Variants in TRPM3 observed in about 807,000 individuals in gnomAD.
TRPM3 encodes transient receptor potential cation channel subfamily M member 3, also known as long transient receptor potential channel 3.
Under a neutral mutation model 181.2 loss-of-function variants are expected in TRPM3, and 77 were observed. The ratio of observed to expected loss-of-function variants is 0.42; its 90% confidence interval spans 0.35 to 0.51. The LOEUF (loss-of-function observed/expected upper bound fraction) is 0.51, where lower values mean the gene tolerates loss of function less well. TRPM3 is among the 20% of genes least tolerant of loss of function. The pLI is 0.01. For missense variants in TRPM3, 1,759 were observed against 2,196.7 expected, an observed-to-expected ratio of 0.80 and a Z score of 3.98; for synonymous variants, 745 against 796.4, an observed-to-expected ratio of 0.94 and a Z score of 1.09.
intron 1 of TRPM3, among the ~76,000 whole-genome samples, chr9:71,031,093 T>C (rs866206274): frequency 1.3e-5 from 2 of 152,196 alleles, no homozygotes; most frequent in African/African-American, 4.8e-5. Context: ...AGTCACATGG[T>C]CTCACTAAAT....
chr9:71,298,159 T>C (rs1410220545), intron 1 of TRPM3, among the ~76,000 whole-genome samples: 2 of 152,116 alleles, frequency 1.3e-5, no homozygotes, highest in African/African-American at 4.8e-5. Flanking sequence ...CTGCAGGATA[T>C]CTTAAGTCTT....
intron 1 of TRPM3, among the ~76,000 whole-genome samples, chr9:71,081,135 G>T (rs946501666): frequency 6.6e-6 from 1 of 152,118 alleles, no homozygotes; most frequent in Non-Finnish European, 1.5e-5. Context: ...ACGCTAAATT[G>T]ACATTTATCA....
At chr9:70,948,368 G>A (rs539887378) in intron 1 of TRPM3, among the ~76,000 whole-genome samples, 55 of 152,222 alleles carry the variant, frequency 3.6e-4, no homozygotes, top group Non-Finnish European at 6.8e-4. Flanking sequence ...TGCTGAAAAC[G>A]AAATATACTT....
At chr9:71,210,751 C>T (rs918242251) in intron 1 of TRPM3, among the ~76,000 whole-genome samples, 2 of 152,138 alleles carry the variant, frequency 1.3e-5, no homozygotes, top group African/African-American at 2.4e-5. Context: ...TTGGATGGCT[C>T]ACACAACAGA....
At chr9:71,310,896 A>G (rs995586815) in intron 1 of TRPM3, among the ~76,000 whole-genome samples, 10 of 152,126 alleles carry the variant, frequency 6.6e-5, no homozygotes, top group Non-Finnish European at 1.0e-4. Context: ...ATGGAGAGAA[A>G]GATGACAGTT....
intron 25 of TRPM3, among the ~76,000 whole-genome samples, chr9:70,546,451 C>T (rs2044908868): frequency 6.6e-6 from 1 of 152,088 alleles, no homozygotes; most frequent in Non-Finnish European, 1.5e-5. Context: ...TCTGGTCATC[C>T]CTGCTGGGAT....
intron 9 of TRPM3, among the ~76,000 whole-genome samples, chr9:70,658,619 A>C (rs2060692401): frequency 6.6e-6 from 1 of 152,112 alleles, no homozygotes; most frequent in Non-Finnish European, 1.5e-5. Flanking sequence ...CAGAGGTAAC[A>C]AATTTCCTTG....
intron 1 of TRPM3, among the ~76,000 whole-genome samples, chr9:71,349,559 T>C (rs2091481748): frequency 2.6e-5 from 4 of 152,226 alleles, no homozygotes; most frequent in African/African-American, 9.6e-5. Context: ...CAAGATATTT[T>C]ATAATATTTT....
intron 1 of TRPM3, among the ~76,000 whole-genome samples, chr9:70,928,512 T>C (rs1428843447): frequency 6.6e-6 from 1 of 152,184 alleles, no homozygotes; most frequent in Non-Finnish European, 1.5e-5. Flanking sequence ...CTTGACAATT[T>C]AATCTAAACA....
chr9:70,973,907 C>A (rs1334551966), intron 1 of TRPM3, among the ~76,000 whole-genome samples: 1 of 152,186 alleles, frequency 6.6e-6, no homozygotes, highest in Admixed American at 6.5e-5. Flanking sequence ...AGAGGGTATT[C>A]TAAAGCAATG....
intron 1 of TRPM3, among the ~76,000 whole-genome samples, chr9:70,886,798 G>A (rs1031113435): frequency 3.9e-5 from 6 of 151,976 alleles, no homozygotes; most frequent in African/African-American, 1.5e-4. Flanking sequence ...CTGTGTAGCT[G>A]GGATTATAGG....
intron 9 of TRPM3, among the ~76,000 whole-genome samples, chr9:70,652,285 G>C (rs951716791): frequency 1.3e-5 from 2 of 152,012 alleles, no homozygotes; most frequent in Non-Finnish European, 2.9e-5. Flanking sequence ...TAATTTGATT[G>C]AATTTGAAGT....
intron 1 of TRPM3, among the ~76,000 whole-genome samples, chr9:70,971,989 G>A (rs1050587059): frequency 1.3e-5 from 2 of 152,142 alleles, no homozygotes; most frequent in Non-Finnish European, 2.9e-5. Flanking sequence ...CACTGTTAGT[G>A]GGAATACATA....
Position 71,260,678 on chromosome 9 carries a change from G to A in TRPM3, c.183+185975C>T, listed in dbSNP as rs182478748. Among the ~76,000 whole-genome samples, 761 of 152,218 alleles carry A rather than the reference G, an allele frequency of 5.0e-3. 8 individuals carry two copies. Among genetic ancestry groups the A allele is most frequent in the Non-Finnish European group, 5.5e-3 (375 of 68,008 alleles). On this transcript the variant is annotated intron_variant, in intron 1 of 24. Transcript: ENST00000357533. ...GAGTTTGCTCATTATTTGGCTCTCC[G>A]TTTGTCTATTATTGGTGTATAGGAA...
intron 1 of TRPM3, among the ~76,000 whole-genome samples, chr9:71,417,427 G>A (rs1289076632): frequency 1.3e-5 from 2 of 151,846 alleles, no homozygotes; most frequent in Non-Finnish European, 2.9e-5. Context: ...TTATTGACTA[G>A]CTACATATCC....
At chr9:70,744,111 C>T (rs371416177) in intron 8 of TRPM3, among the ~76,000 whole-genome samples, 7 of 151,696 alleles carry the variant, frequency 4.6e-5, no homozygotes, top group African/African-American at 7.3e-5. Context: ...GTGAATCACC[C>T]GAGGTCAGGA....
In TRPM3 at chr9:70,913,398, T is replaced by A. The variant is rs531721403; in HGVS notation, c.178-48887A>T. On this transcript the variant is annotated intron_variant, in intron 1 of 25. Coordinates refer to ENST00000677713, the MANE Select transcript of TRPM3 (RefSeq NM_001366145.2). ...CTCTTTTTCATTGCATTGGCCAGGA[T>A]CATTGTTCCCCTAGGTTTCATACTT... Among the ~76,000 whole-genome samples the A allele has an allele frequency of 2.6e-5, 4 of 152,294 alleles. No homozygotes were observed. In the South Asian group the frequency reaches 6.2e-4, roughly 24 times the overall value.
chr9:71,428,445 T>C (rs1449971241), intron 1 of TRPM3, among the ~76,000 whole-genome samples: 1 of 152,078 alleles, frequency 6.6e-6, no homozygotes, highest in Non-Finnish European at 1.5e-5. Flanking sequence ...GCCATCAAGT[T>C]TGGGAACCCT....
At chr9:70,936,404 T>C (rs115263022) in intron 1 of TRPM3, among the ~76,000 whole-genome samples, 1,614 of 152,294 alleles carry the variant, frequency 0.011, 31 homozygotes, top group African/African-American at 0.037. Flanking sequence ...TAGCTAATGA[T>C]AGAGTTCCAT....
Sources: gnomAD v4.1 joint callset for allele counts (sites outside exome capture counted in the v4.1 genomes callset) on GRCh38, gnomAD v4.1.1 for gene constraint, MANE v1.5 for transcripts, NCBI Gene and HGNC (gene_info 2026-07-23, HGNC 2026-07-21) for gene names.